Variants in TP53I11 observed in about 807,000 individuals in gnomAD.
The protein encoded by TP53I11 is tumor protein p53-inducible protein 11.
TP53I11 carries 9 observed loss-of-function variants against 23.3 expected under a neutral mutation model. That is an observed-to-expected ratio of 0.39 (90% CI 0.23 to 0.67). TP53I11 has a LOEUF of 0.67. TP53I11 is among the 30% of genes least tolerant of loss of function. TP53I11 has a pLI of 0.48. For missense variants in TP53I11, 170 were observed against 255.2 expected (o/e 0.67, Z 2.27); for synonymous variants, 100 against 106.1 (o/e 0.94, Z 0.35).
At chr11:44,948,591 C>T (rs912388352) in intron 1 of TP53I11, among the ~76,000 whole-genome samples, 1 of 152,180 alleles carries the variant, frequency 6.6e-6, no homozygotes, top group Non-Finnish European at 1.5e-5. Context: ...TCCCCCTGCC[C>T]CCTGCTTTTA....
chr11:44,940,875 C>T (rs967559487), intron 1 of TP53I11: 23 of 152,244 alleles, frequency 1.5e-4, no homozygotes, highest in African/African-American at 5.1e-4. Context: ...CAGTAGTGTT[C>T]CAGTTCCTCC....
At position 44,936,268 on chromosome 11, in the gene TP53I11, C is replaced by T; in HGVS notation, c.334+535G>A. 9.1e-7 allele frequency: 1 copy of T among 1,094,824 alleles called. No individual in the cohort carries two copies. Among genetic ancestry groups the T allele is most frequent in the Non-Finnish European group, 1.1e-6 (1 of 902,226 alleles). 67.8% of individuals were successfully genotyped at this position (1,094,824 alleles called of 1,614,324 possible). ...CAACCCTAACTCCAGAGGAGCTCAG[C>T]CTTTATTCTGTAGGCAATAGGGAGC... On this transcript the variant is annotated intron_variant, in intron 5 of 6. Transcript: ENST00000525680. This position sits in a 1 kb window ranked among gnomAD's most constrained non-coding sequence, Gnocchi z 4.4.
At chr11:44,943,267 C>T (rs879266128) in intron 1 of TP53I11, 2 of 152,304 alleles carry the variant, frequency 1.3e-5, no homozygotes, top group Non-Finnish European at 2.9e-5. Context: ...TCCACTCAGC[C>T]GTGCACAGTG....
rs1860783062 is a variant in TP53I11 at position 44,933,643 on chromosome 11, A to AGG, written c.*1240_*1241insCC. On this transcript the variant is annotated 3_prime_UTR_variant, in exon 7 of 7. Transcript: ENST00000525680. ...ATGCAGCACAGGCTGGTGGGCCCTC[A>AGG]GAGGCAGGGCAGGGGCTGTTCGGCC... 1.3e-5 allele frequency: 2 copies of AGG among 154,310 alleles called. No homozygotes were observed. Among genetic ancestry groups the AGG allele is most frequent in the Admixed American group, 6.5e-5 (1 of 15,292 alleles). 9.6% of individuals were successfully genotyped at this position (154,310 alleles called of 1,614,324 possible).
Position 44,934,720 on chromosome 11 carries a change from C to T in TP53I11, c.*164G>A. 1.1e-6 allele frequency: 1 copy of T among 929,840 alleles called. No individual in the cohort carries two copies. Among genetic ancestry groups the T allele is most frequent in the South Asian group, 1.7e-5 (1 of 58,646 alleles). 57.6% of individuals were successfully genotyped at this position (929,840 alleles called of 1,614,324 possible). ...CCTGAAAGCCCAGGAGATCACAGCACACGGGGTGCCCAGGAGGAAAGGAAG... is the reference window on the plus strand; with the variant it reads ...CCTGAAAGCCCAGGAGATCACAGCATACGGGGTGCCCAGGAGGAAAGGAAG... On this transcript the variant is annotated 3_prime_UTR_variant, in exon 7 of 7. Coordinates refer to ENST00000525680, the MANE Select transcript of TP53I11 (RefSeq NM_006034.5).
At chr11:44,943,412 C>A (rs1313004473) in intron 1 of TP53I11, among the ~76,000 whole-genome samples, 1 of 152,210 alleles carries the variant, frequency 6.6e-6, no homozygotes, top group Non-Finnish European at 1.5e-5. Context: ...CACTCCTCCA[C>A]CCACATCACC....
Position 44,936,753 on chromosome 11 carries a change from T to C in TP53I11, c.334+50A>G. ...CCGTGCTCTCCTCAGCCCCGCTGGG[T>C]CTCCCAGCTGCCCGTCGCCTCCCCC... is the stretch of plus-strand genomic sequence containing the variant. On this transcript the variant is annotated intron_variant, in intron 5 of 6. Coordinates refer to ENST00000525680, the MANE Select transcript of TP53I11 (RefSeq NM_006034.5). The surrounding 1 kb of genome is among the most constrained non-coding windows in gnomAD (Gnocchi z 4.4). 1 of 1,462,866 alleles carries C rather than the reference T, an allele frequency of 6.8e-7. No individual in the cohort carries two copies. The highest frequency in any genetic ancestry group is 2.6e-5 in the East Asian group (1 of 38,696). The allele number at this position is 1,462,866 out of a possible 1,614,324, so 90.6% of individuals were successfully genotyped here. A position where few individuals can be genotyped will look rare whatever the true frequency, so the allele number is the denominator to read the frequency against.
Position 44,934,874 on chromosome 11 carries a change from C to T in TP53I11, c.*10G>A. ...CCAGGCATGGGCAGGGCCCCAGGCC[C>T]AGCGGGCAACTAGGCCTTCTTGGGT... On this transcript the variant is annotated 3_prime_UTR_variant, in exon 7 of 7. Transcript: ENST00000525680. 1 of 1,613,902 alleles carries T rather than the reference C, an allele frequency of 6.2e-7. No homozygotes were observed. The highest frequency in any genetic ancestry group is 8.5e-7 in the Non-Finnish European group (1 of 1,179,920).
In TP53I11 at chr11:44,934,732, AG is replaced by A. The variant is rs568843052; in HGVS notation, c.*151del. The A allele has an allele frequency of 1.0e-5, 11 of 1,055,792 alleles. No homozygotes were observed. In the African/African-American group the frequency reaches 1.8e-4, roughly 17 times the overall value. The allele number at this position is 1,055,792 out of a possible 1,614,324, so 65.4% of individuals were successfully genotyped here. On this transcript the variant is annotated 3_prime_UTR_variant, in exon 7 of 7. Transcript: ENST00000525680. ...GGAGATCACAGCACACGGGGTGCCC[AG>A]GAGGAAAGGAAGGCCCCCCACCCCC...
In TP53I11 at chr11:44,944,179, G is replaced by T. The variant is rs146559399; in HGVS notation, c.-31-5813C>A. 2.0e-3 allele frequency among the ~76,000 whole-genome samples: 299 copies of T among 152,266 alleles called. 1 individual carries two copies. The highest frequency in any genetic ancestry group is 3.4e-3 in the Middle Eastern group (1 of 294). On this transcript the variant is annotated intron_variant, in intron 1 of 6. Coordinates refer to ENST00000525680, the MANE Select transcript of TP53I11 (RefSeq NM_006034.5). The stretch of plus-strand genomic sequence containing the variant: ...TGCTCTTGGCAGAGGACCTGGCAGT[G>T]GGGGGTCTGGACAGCCGTGAAGGTT...
chr11:44,934,266 G>A lies in TP53I11; in HGVS notation c.*618C>T, dbSNP rs1180625075. On this transcript the variant is annotated 3_prime_UTR_variant, in exon 7 of 7. Transcript: ENST00000525680. Reference sequence around the variant, plus strand: ...GGCTGGGCTATGAAGGCGCACGTGTGTGTGTTTGCTCACATCATGGGTGTA... The same window carrying A: ...GGCTGGGCTATGAAGGCGCACGTGTATGTGTTTGCTCACATCATGGGTGTA... 3 of 152,750 alleles carry A rather than the reference G, an allele frequency of 2.0e-5. No homozygotes were observed. The highest frequency in any genetic ancestry group is 4.4e-5 in the Non-Finnish European group (3 of 68,448). The allele number at this position is 152,750 out of a possible 1,614,324, so 9.5% of individuals were successfully genotyped here.
At chr11:44,942,039 A>AAACCAC (rs1350175021) in intron 1 of TP53I11, among the ~76,000 whole-genome samples, 12 of 8,512 alleles carry the variant, frequency 1.4e-3, no homozygotes, top group African/African-American at 3.4e-3. Context: ...CACACCACAC[A>AAACCAC]CATACACACC....
chr11:44,943,387 G>C (rs908129821), intron 1 of TP53I11, among the ~76,000 whole-genome samples: 1 of 152,186 alleles, frequency 6.6e-6, no homozygotes, highest in Non-Finnish European at 1.5e-5. Context: ...TGGGGGCAGG[G>C]GCAGCAAGGA....
At position 44,937,199 on chromosome 11, in the gene TP53I11, C is replaced by T. The variant is rs974497834; in HGVS notation, c.237+105G>A. ...GCAGCCCCAGAGCCTGACAGATGGG[C>T]CCCTGCACGAGGGGCCAGGATGGAG... On this transcript the variant is annotated intron_variant, in intron 4 of 6. Transcript: ENST00000525680. 4 of 1,404,574 alleles carry T rather than the reference C, an allele frequency of 2.8e-6. No individual in the cohort carries two copies. The African/African-American group carries it at 5.7e-5, about 20-fold the overall frequency. The allele number at this position is 1,404,574 out of a possible 1,614,324, so 87.0% of individuals were successfully genotyped here.
Position 44,936,438 on chromosome 11 carries a change from G to A in TP53I11, c.334+365C>T. 8.1e-7 allele frequency: 1 copy of A among 1,232,784 alleles called. No individual in the cohort carries two copies. Among genetic ancestry groups the A allele is most frequent in the Non-Finnish European group, 1.0e-6 (1 of 989,234 alleles). The allele number at this position is 1,232,784 out of a possible 1,614,324, so 76.4% of individuals were successfully genotyped here. A position where few individuals can be genotyped will look rare whatever the true frequency, so the allele number is the denominator to read the frequency against. On this transcript the variant is annotated intron_variant, in intron 5 of 6. Coordinates refer to ENST00000525680, the MANE Select transcript of TP53I11 (RefSeq NM_006034.5). The surrounding 1 kb of genome is among the most constrained non-coding windows in gnomAD (Gnocchi z 4.4). ...GTGGCTCTGGGGATAAAATAGGGGG[G>A]GTGCGAGGGGTTTTGCAGACACTGA... is the stretch of plus-strand genomic sequence containing the variant.
At chr11:44,946,085 C>T (rs1862366429) in intron 1 of TP53I11, among the ~76,000 whole-genome samples, 1 of 152,216 alleles carries the variant, frequency 6.6e-6, no homozygotes, top group South Asian at 2.1e-4. Flanking sequence ...TTGAAGGAGC[C>T]TCCCTTCCTT....
At chr11:44,940,445 C>G (rs1861637227) in intron 1 of TP53I11, 1 of 152,290 alleles carries the variant, frequency 6.6e-6, no homozygotes, top group Admixed American at 6.5e-5. Context: ...AACCACTGAT[C>G]TATTCTCTGA....
At position 44,935,652 on chromosome 11, in the gene TP53I11, C is replaced by G; in HGVS notation, c.345G>C (p.Leu115=). The change falls in exon 6 of 7, where the codon CTG becomes CTC. Residue 115 remains leucine (L), a synonymous_variant. Transcript: ENST00000525680. The part of the protein sequence containing the change: ...LYGGALLSIS[L]IMWNALYTAE... ...CCGTGTAGAGAGCGTTCCACATGAT[C>G]AGGGAGATGCCTGGGGCGGGGGATG... 2 of 1,605,016 alleles carry G rather than the reference C, an allele frequency of 1.2e-6. No individual in the cohort carries two copies. The highest frequency in any genetic ancestry group is 1.7e-6 in the Non-Finnish European group (2 of 1,174,370).
rs201211799 is a variant in TP53I11, at chr11:44,938,345, C to T, written c.-10G>A. ...GCTGCTTGGCCGCCATCTTCTCCTC[C>T]AGCCCGGCCTCTGCAGAAGGGCTGA... On this transcript the variant is annotated 5_prime_UTR_variant, in exon 2 of 7. Transcript: ENST00000525680. The T allele has an allele frequency of 2.3e-5, 36 of 1,589,582 alleles. No individual in the cohort carries two copies. The African/African-American group carries it at 2.4e-4, about 11-fold the overall frequency.
Sources: allele counts gnomAD v4.1 joint callset (sites outside exome capture counted in the v4.1 genomes callset), GRCh38; gene constraint gnomAD v4.1.1; non-coding constraint Gnocchi (gnomAD v3.1); transcripts MANE v1.5; gene names NCBI Gene and HGNC (gene_info 2026-07-23, HGNC 2026-07-21).